NAALADL2: variants seen among roughly 807,000 people sequenced by gnomAD.
NAALADL2 encodes the protein N-acetylated alpha-linked acidic dipeptidase like 2, also known as inactive N-acetylated-alpha-linked acidic dipeptidase-like protein 2.
A neutral mutation model predicts 87.2 loss-of-function variants in NAALADL2; 76 were observed. The observed-to-expected ratio is 0.87, with a 90% CI of 0.72 to 1.05. The LOEUF is 1.05. NAALADL2 is among the 50% of genes least tolerant of loss of function. NAALADL2 has a pLI of 0.00. For synonymous variants in NAALADL2, 354 were observed against 331.0 expected (o/e 1.07, Z -0.75); for missense variants, 1,089 against 945.8 (o/e 1.15, Z -1.99).
intron 1 of NAALADL2, among the ~76,000 whole-genome samples, chr3:175,080,789 G>T (rs1218973659): frequency 1.3e-5 from 2 of 152,140 alleles, no homozygotes; most frequent in East Asian, 3.8e-4. Flanking sequence ...TATCTTCTAT[G>T]CAGTAAATCT....
At chr3:175,533,658 A>G (rs1173618624) in intron 9 of NAALADL2, among the ~76,000 whole-genome samples, 2 of 152,122 alleles carry the variant, frequency 1.3e-5, no homozygotes, top group Non-Finnish European at 2.9e-5. Context: ...ATTCTTTCCC[A>G]ATCAATGCCC....
At chr3:174,836,708 CAAAAAAAA>C (rs36091749) in intron 3 of NAALADL2, among the ~76,000 whole-genome samples, 3 of 65,384 alleles carry the variant, frequency 4.6e-5, no homozygotes, top group East Asian at 5.1e-4. Context: ...GACTCCGTCT[CAAAAAAAA>C]AAAAAAAAAA....
At chr3:174,763,133 T>A (rs1018672662) in intron 3 of NAALADL2, among the ~76,000 whole-genome samples, 5 of 149,588 alleles carry the variant, frequency 3.3e-5, no homozygotes, top group Admixed American at 2.7e-4. Flanking sequence ...AGGTTAACCT[T>A]ATTTTACTAA....
At chr3:175,022,971 A>C (rs1204616121) in intron 1 of NAALADL2, among the ~76,000 whole-genome samples, 1 of 152,068 alleles carries the variant, frequency 6.6e-6, no homozygotes, top group Admixed American at 6.6e-5. Context: ...AATTACGTCC[A>C]GTTTCCCAGA....
At chr3:174,623,721 T>G (rs1295034541) in intron 2 of NAALADL2, among the ~76,000 whole-genome samples, 1 of 152,144 alleles carries the variant, frequency 6.6e-6, no homozygotes, top group Non-Finnish European at 1.5e-5. Flanking sequence ...CTATGTTGTC[T>G]CTTTAAATTG....
At chr3:175,398,969 T>G (rs867803715) in intron 5 of NAALADL2, among the ~76,000 whole-genome samples, 3 of 151,728 alleles carry the variant, frequency 2.0e-5, no homozygotes, top group African/African-American at 7.3e-5. Flanking sequence ...AGCTACTCCA[T>G]AAACAGAGTA....
chr3:175,717,155 T>G lies in NAALADL2; in HGVS notation c.1897-20151T>G, dbSNP rs137892291. On this transcript the variant is annotated intron_variant, in intron 11 of 13. Transcript: ENST00000454872. ...GAGAACAGCCTTAGAAAGACGAGTATCTTGGCCTCAAGTGATCCTCCTGCC... is the reference window on the plus strand; with the variant it reads ...GAGAACAGCCTTAGAAAGACGAGTAGCTTGGCCTCAAGTGATCCTCCTGCC... 2.6e-3 allele frequency among the ~76,000 whole-genome samples: 396 copies of G among 152,254 alleles called. 5 individuals carry two copies. Among genetic ancestry groups the G allele is most frequent in the Middle Eastern group, 0.017 (5 of 294 alleles).
At chr3:174,762,830 A>T (rs1473511164) in intron 3 of NAALADL2, among the ~76,000 whole-genome samples, 1 of 152,236 alleles carries the variant, frequency 6.6e-6, no homozygotes, top group Non-Finnish European at 1.5e-5. Flanking sequence ...TAATAAAAAA[A>T]AATCTTAATT....
chr3:175,688,440 GAGTAGCCAATTAA>G (rs1340251925), intron 11 of NAALADL2, among the ~76,000 whole-genome samples: 1 of 152,162 alleles, frequency 6.6e-6, no homozygotes, highest in Admixed American at 6.5e-5. Flanking sequence ...GCAGGTGTCA[GAGTAGCCAATTAA>G]AGCCACAAGC....
intron 3 of NAALADL2, among the ~76,000 whole-genome samples, chr3:174,814,827 A>T (rs1248381357): frequency 6.6e-6 from 1 of 152,170 alleles, no homozygotes; most frequent in African/African-American, 2.4e-5. Context: ...ATATTTCACA[A>T]GTAATTTATC....
At chr3:175,134,694 G>A (rs572087539) in intron 2 of NAALADL2, among the ~76,000 whole-genome samples, 111 of 152,156 alleles carry the variant, frequency 7.3e-4, no homozygotes, top group Middle Eastern at 6.8e-3. Context: ...CAATAAGTAA[G>A]GGAGATAAAG....
chr3:174,753,476 G>A (rs549794599), intron 3 of NAALADL2, among the ~76,000 whole-genome samples: 12 of 152,216 alleles, frequency 7.9e-5, no homozygotes, highest in African/African-American at 2.9e-4. Flanking sequence ...CTTTAACTTC[G>A]TTTCCAAGTT....
chr3:175,153,974 C>A (rs1731933882), intron 2 of NAALADL2, among the ~76,000 whole-genome samples: 1 of 152,108 alleles, frequency 6.6e-6, no homozygotes. Context: ...TAGACTTTTT[C>A]TAAACATATG....
At chr3:174,919,427 G>A (rs2108344048) in intron 1 of NAALADL2, among the ~76,000 whole-genome samples, 2 of 152,220 alleles carry the variant, frequency 1.3e-5, no homozygotes, top group South Asian at 4.1e-4. Context: ...TACTTCACCA[G>A]GAGCACATGC....
At chr3:174,485,045 C>T (rs912654366) in intron 1 of NAALADL2, among the ~76,000 whole-genome samples, 2 of 151,944 alleles carry the variant, frequency 1.3e-5, no homozygotes, top group African/African-American at 4.8e-5. Context: ...TTATAATATA[C>T]CCTTTCATAT....
chr3:174,841,223 A>G (rs1235841377), intron 3 of NAALADL2, among the ~76,000 whole-genome samples: 1 of 152,184 alleles, frequency 6.6e-6, no homozygotes, highest in African/African-American at 2.4e-5. Context: ...AATTGAAACC[A>G]AACCACTTAG....
chr3:175,242,049 A>G (rs1241904823), intron 3 of NAALADL2, among the ~76,000 whole-genome samples: 1 of 151,204 alleles, frequency 6.6e-6, no homozygotes, highest in Non-Finnish European at 1.5e-5. Flanking sequence ...TTTAGTAGAG[A>G]TGGGGTTTCA....
chr3:174,481,502 T>G (rs997876851), intron 1 of NAALADL2, among the ~76,000 whole-genome samples: 2 of 151,936 alleles, frequency 1.3e-5, no homozygotes, highest in African/African-American at 4.8e-5. Context: ...AGGCAACAGA[T>G]TCAAGTCTAC....
chr3:175,607,046 T>TGAAAG (rs1273082088), intron 10 of NAALADL2, among the ~76,000 whole-genome samples: 2 of 152,218 alleles, frequency 1.3e-5, no homozygotes, highest in Non-Finnish European at 2.9e-5. Flanking sequence ...AATGAATGTA[T>TGAAAG]GAAAGAAAAT....
Sources: allele counts gnomAD v4.1 joint callset (sites outside exome capture counted in the v4.1 genomes callset), GRCh38; gene constraint gnomAD v4.1.1; transcripts MANE v1.5; gene names NCBI Gene and HGNC (gene_info 2026-07-23, HGNC 2026-07-21).